Variants in TK1 observed in about 807,000 individuals in gnomAD.
TK1 encodes thymidine kinase, cytosolic.
A neutral mutation model predicts 22.4 loss-of-function variants in TK1; 13 were observed. That is an observed-to-expected ratio of 0.58 (90% CI 0.38 to 0.92). TK1 has a LOEUF of 0.92. TK1 is among the 40% of genes least tolerant of loss of function. TK1 has a pLI of 0.00. For missense variants in TK1, 251 were observed against 315.7 expected, an observed-to-expected ratio of 0.80 and a Z score of 1.55; for synonymous variants, 134 against 125.4, an observed-to-expected ratio of 1.07 and a Z score of -0.46.
chr17:78,181,797 C>T (rs1054821484), intron 4 of TK1, among the ~76,000 whole-genome samples: 3 of 151,924 alleles, frequency 2.0e-5, no homozygotes, highest in Non-Finnish European at 2.9e-5. Context: ...CTGGCCTTGT[C>T]GCCCGGGCTG....
chr17:78,177,901 C>T (rs906548467), intron 4 of TK1, among the ~76,000 whole-genome samples: 23 of 152,002 alleles, frequency 1.5e-4, no homozygotes, highest in African/African-American at 4.6e-4. Flanking sequence ...GACAGAGTCT[C>T]GCTCTGTCAT....
At chr17:78,175,249 C>T (rs2854702) in intron 5 of TK1, 80 bp from the exon 6 acceptor site, 167,539 of 1,428,584 alleles carry the variant, frequency 0.12, 19,569 homozygotes, top group East Asian at 0.4. Context: ...GATTCACAAG[C>T]ACTGAAGCCA....
Position 78,175,526 on chromosome 17 carries a change from T to C in TK1, c.393+3A>G. The C allele has an allele frequency of 6.2e-7, 1 of 1,612,638 alleles. No homozygotes were observed. ...AGCTCCAGACCTGGATCAGACGCCT[T>C]ACCTTCCTCTGGAAGGTCCCATCCA... is the stretch of plus-strand genomic sequence containing the variant. On this transcript the variant is annotated splice_donor_region_variant and intron_variant, in intron 5 of 6. Coordinates refer to ENST00000301634, the MANE Select transcript of TK1 (RefSeq NM_003258.5).
intron 4 of TK1, among the ~76,000 whole-genome samples, chr17:78,177,586 T>C (rs1464371228): frequency 6.6e-6 from 1 of 152,094 alleles, no homozygotes; most frequent in Non-Finnish European, 1.5e-5. Context: ...TTTTTTTTTT[T>C]TTTTTGAGAC....
intron 4 of TK1, among the ~76,000 whole-genome samples, chr17:78,176,831 G>C (rs2075703859): frequency 1.3e-5 from 2 of 152,122 alleles, no homozygotes; most frequent in Admixed American, 6.5e-5. Context: ...CCACCCATTA[G>C]ATAGATGCCA....
intron 3 of TK1, among the ~76,000 whole-genome samples, chr17:78,183,504 G>A (rs750006833): frequency 3.9e-5 from 6 of 152,140 alleles, no homozygotes; most frequent in Admixed American, 2.6e-4. Context: ...ACCAGCCTGG[G>A]TAACACAGCG....
intron 2 of TK1, 41 bp downstream of exon 2, chr17:78,186,745 AG>A (rs1219678428): frequency 6.4e-7 from 1 of 1,556,956 alleles, no homozygotes; most frequent in Non-Finnish European, 8.7e-7. Context: ...GGGTCCCCGG[AG>A]AAGAGGAAGG....
rs986031703 is a variant in TK1, at chr17:78,186,782, A to G, written c.98+5T>C. ...AGCTCCACCCCAGCCCCGCGAAGCC[A>G]TTACCTTTTTCCTGAGAACATCGGC... On this transcript the variant is annotated splice_donor_5th_base_variant and intron_variant, in intron 2 of 6. Transcript: ENST00000301634. The G allele has an allele frequency of 4.4e-6, 7 of 1,584,864 alleles. No homozygotes were observed. Among genetic ancestry groups the G allele is most frequent in the East Asian group, 2.3e-5 (1 of 42,698 alleles).
chr17:78,186,872 A>G (rs1005724861), intron 1 of TK1, 54 bp from the exon 2 acceptor site: 17 of 1,566,912 alleles, frequency 1.1e-5, no homozygotes, highest in Non-Finnish European at 1.3e-5. Flanking sequence ...ATGCCTGGAC[A>G]CAGGCTATCA....
chr17:78,179,492 C>T (rs949452376), intron 4 of TK1: 7 of 985,294 alleles, frequency 7.1e-6, no homozygotes, highest in African/African-American at 1.7e-5. Flanking sequence ...GAACCCAGAG[C>T]GGACACTGGC....
chr17:78,179,526 G>A, intron 4 of TK1: 1 of 985,464 alleles, frequency 1.0e-6, no homozygotes, highest in Non-Finnish European at 1.2e-6. Flanking sequence ...CAGGGCAGAT[G>A]CCCCGCACAG....
At chr17:78,181,107 G>A (rs929206119) in intron 4 of TK1, among the ~76,000 whole-genome samples, 1 of 150,076 alleles carries the variant, frequency 6.7e-6, no homozygotes, top group Non-Finnish European at 1.5e-5. Context: ...AATGAGCTAC[G>A]CATGGTGGCA....
Position 78,175,158 on chromosome 17 carries a change from G to A in TK1, c.405C>T (p.Ala135=). The A allele has an allele frequency of 6.2e-7, 1 of 1,613,076 alleles. No homozygotes were observed. The highest frequency in any genetic ancestry group is 8.5e-7 in the Non-Finnish European group (1 of 1,179,870). The stretch of plus-strand genomic sequence containing the variant: ...CGGCCAGCGGCACCAGGTTCAGGAT[G>A]GCCCCAAATGGCTGCGCTCCCATGG... ...DGTFQRKPFG[A]ILNLVPLAES... Residue 135 remains alanine (A), a synonymous_variant, in exon 6 of 7, where the codon GCC becomes GCT. Coordinates refer to ENST00000301634, the MANE Select transcript of TK1 (RefSeq NM_003258.5).
chr17:78,174,971 T>C (rs1327326353), intron 6 of TK1, 21 bp from the exon 7 acceptor site: 1 of 1,611,446 alleles, frequency 6.2e-7, no homozygotes, highest in Admixed American at 1.7e-5. Context: ...GGACAGGGGA[T>C]GGGTGAAGGG....
chr17:78,185,745 G>T (rs1255351454), intron 2 of TK1, among the ~76,000 whole-genome samples: 2 of 152,154 alleles, frequency 1.3e-5, no homozygotes, highest in East Asian at 3.9e-4. Flanking sequence ...GACCAGGGTG[G>T]TCTCAAACTC....
At position 78,180,976 on chromosome 17, in the gene TK1, G is replaced by C. The variant is rs553576243; in HGVS notation, c.303+1613C>G. On this transcript the variant is annotated intron_variant, in intron 4 of 6. Transcript: ENST00000301634. ...CAAAGCAACAAGATCAAGACCAGGC[G>C]TGGTGGCTCACGCCTGTAATCCCAG... Among the ~76,000 whole-genome samples, 3 of 152,290 alleles carry C rather than the reference G, an allele frequency of 2.0e-5. No homozygotes were observed. In the South Asian group the frequency reaches 6.2e-4, roughly 32 times the overall value.
rs759733046 is a variant in TK1, at chr17:78,175,522, G to C, written c.393+7C>G. 2.5e-6 allele frequency: 4 copies of C among 1,611,958 alleles called. No individual in the cohort carries two copies. The highest frequency in any genetic ancestry group is 3.4e-6 in the Non-Finnish European group (4 of 1,179,022). ...TCCCAGCTCCAGACCTGGATCAGAC[G>C]CCTTACCTTCCTCTGGAAGGTCCCA... On this transcript the variant is annotated splice_region_variant and intron_variant, in intron 5 of 6. Coordinates refer to ENST00000301634, the MANE Select transcript of TK1 (RefSeq NM_003258.5).
At position 78,175,189 on chromosome 17, in the gene TK1, C is replaced by T; in HGVS notation, c.394-20G>A. ...AAATGGCTGCGCTCCCATGGAAAGA[C>T]AGAGGGCGCTCAGCCACCTTACCAG... On this transcript the variant is annotated intron_variant, in intron 5 of 6. Coordinates refer to ENST00000301634, the MANE Select transcript of TK1 (RefSeq NM_003258.5). The T allele has an allele frequency of 6.3e-7, 1 of 1,587,594 alleles. No homozygotes were observed. Among genetic ancestry groups the T allele is most frequent in the Non-Finnish European group, 8.5e-7 (1 of 1,175,560 alleles).
chr17:78,178,638 C>CTT (rs1246335412), intron 4 of TK1, among the ~76,000 whole-genome samples: 1 of 152,060 alleles, frequency 6.6e-6, no homozygotes, highest in East Asian at 1.9e-4. Context: ...CCCTGAACTT[C>CTT]TTTTGTTTTG....
Sources: allele counts gnomAD v4.1 joint callset (sites outside exome capture counted in the v4.1 genomes callset), GRCh38; gene constraint gnomAD v4.1.1; transcripts MANE v1.5; gene names NCBI Gene and HGNC (gene_info 2026-07-23, HGNC 2026-07-21).